Variants in CRACD observed in about 807,000 individuals in gnomAD.
CRACD encodes the protein capping protein-inhibiting regulator of actin dynamics.
CRACD carries 56 observed loss-of-function variants against 106.8 expected under a neutral mutation model. The observed-to-expected ratio is 0.52, with a 90% CI of 0.42 to 0.66. CRACD has a LOEUF of 0.66. Among genes scored for constraint, CRACD ranks in the 30% least tolerant of loss-of-function variants. The probability of loss-of-function intolerance (pLI) is 0.00; values close to 1 mark genes in which losing one functional copy is unlikely to be tolerated. For synonymous variants in CRACD, 754 were observed against 670.8 expected, an observed-to-expected ratio of 1.12 and a Z score of -1.92; for missense variants, 1,730 against 1,623.2, an observed-to-expected ratio of 1.07 and a Z score of -1.13.
Position 56,301,741 on chromosome 4 carries a change from CAGA to C in CRACD, c.120+3397_120+3399del, listed in dbSNP as rs372855481. Among the ~76,000 whole-genome samples, 38 of 151,842 alleles carry C rather than the reference CAGA, an allele frequency of 2.5e-4. No individual in the cohort carries two copies. The East Asian group carries it at 6.0e-3, about 24-fold the overall frequency. On this transcript the variant is annotated intron_variant, in intron 4 of 10. Coordinates refer to ENST00000682029, the MANE Select transcript of CRACD (RefSeq NM_001393381.1). The stretch of plus-strand genomic sequence containing the variant: ...CAGGTTGGTATCTCTCCACGGAGTA[CAGA>C]AGAACTCAATACAGCAAAAACCAGC...
At chr4:56,221,791 C>G (rs567390728) in intron 2 of CRACD, among the ~76,000 whole-genome samples, 1 of 152,262 alleles carries the variant, frequency 6.6e-6, no homozygotes, top group African/African-American at 2.4e-5. Flanking sequence ...AAAAGGCCCA[C>G]TATTACTAAT....
At chr4:56,243,909 C>T (rs1740514848) in intron 2 of CRACD, among the ~76,000 whole-genome samples, 1 of 152,106 alleles carries the variant, frequency 6.6e-6, no homozygotes, top group African/African-American at 2.4e-5. Context: ...AACCATCCCC[C>T]TCTCCCTCAA....
At chr4:56,074,294 G>A (rs963006319) in intron 1 of CRACD, among the ~76,000 whole-genome samples, 7 of 152,102 alleles carry the variant, frequency 4.6e-5, no homozygotes, top group Non-Finnish European at 8.8e-5. Flanking sequence ...CCATTTTCAC[G>A]ATATTGATTC....
intron 5 of CRACD, among the ~76,000 whole-genome samples, chr4:56,309,614 G>T (rs1391879024): frequency 6.6e-6 from 1 of 152,176 alleles, no homozygotes; most frequent in African/African-American, 2.4e-5. Flanking sequence ...AGCACTTTGG[G>T]AGGCCGAGGT....
intron 2 of CRACD, among the ~76,000 whole-genome samples, chr4:56,202,304 G>A (rs1737919046): frequency 6.6e-6 from 1 of 152,106 alleles, no homozygotes; most frequent in Non-Finnish European, 1.5e-5. Context: ...GGAGTACAGT[G>A]GCGTGATCTT....
At chr4:56,062,296 A>G (rs1005557831) in intron 1 of CRACD, among the ~76,000 whole-genome samples, 14 of 152,222 alleles carry the variant, frequency 9.2e-5, no homozygotes, top group Non-Finnish European at 1.5e-4. Context: ...TCTTATAATC[A>G]TAACAGTGTC....
At chr4:56,257,980 G>A (rs902310987) in intron 2 of CRACD, among the ~76,000 whole-genome samples, 3 of 151,012 alleles carry the variant, frequency 2.0e-5, no homozygotes, top group African/African-American at 7.3e-5. Flanking sequence ...TGAGGCATGA[G>A]AATCGCTTGA....
At chr4:56,216,454 C>T (rs998774786) in intron 2 of CRACD, among the ~76,000 whole-genome samples, 1 of 152,104 alleles carries the variant, frequency 6.6e-6, no homozygotes, top group African/African-American at 2.4e-5. Flanking sequence ...ATTGAAGATA[C>T]AGCTGTTCCA....
At chr4:56,140,683 C>T (rs528055956) in intron 1 of CRACD, among the ~76,000 whole-genome samples, 102 of 152,286 alleles carry the variant, frequency 6.7e-4, no homozygotes, top group African/African-American at 2.0e-3. Flanking sequence ...TCCTGAACAG[C>T]GTTGTCAGCA....
intron 1 of CRACD, among the ~76,000 whole-genome samples, chr4:56,136,444 T>C (rs1735002694): frequency 6.6e-6 from 1 of 152,220 alleles, no homozygotes; most frequent in Non-Finnish European, 1.5e-5. Context: ...CTTTTAAATT[T>C]GAGCCCTTCT....
intron 2 of CRACD, among the ~76,000 whole-genome samples, chr4:56,180,173 T>G (rs116758448): frequency 0.013 from 1,972 of 152,066 alleles, 48 homozygotes; most frequent in African/African-American, 0.045. Context: ...TGGGAGGCAT[T>G]CCTCATCTGC....
intron 2 of CRACD, among the ~76,000 whole-genome samples, chr4:56,232,425 T>C (rs1218820339): frequency 6.6e-6 from 1 of 152,178 alleles, no homozygotes; most frequent in Admixed American, 6.5e-5. Context: ...TTGTTTCCTA[T>C]GTGGAGCTTC....
intron 2 of CRACD, among the ~76,000 whole-genome samples, chr4:56,240,319 G>C (rs1226265058): frequency 6.6e-6 from 1 of 152,076 alleles, no homozygotes; most frequent in African/African-American, 2.4e-5. Context: ...ACACAGACTG[G>C]GGAGGGGGAG....
At chr4:56,265,067 C>T (rs527451826) in intron 2 of CRACD, among the ~76,000 whole-genome samples, 1 of 152,178 alleles carries the variant, frequency 6.6e-6, no homozygotes, top group Admixed American at 6.5e-5. Context: ...GGGAGCACAG[C>T]CTATCTGACA....
chr4:56,061,006 A>G (rs1174909302), intron 1 of CRACD, among the ~76,000 whole-genome samples: 1 of 152,220 alleles, frequency 6.6e-6, no homozygotes, highest in Non-Finnish European at 1.5e-5. Context: ...ACTTTGTTAC[A>G]GCAGCCCGTA....
chr4:56,125,553 A>G (rs904328629), intron 1 of CRACD, among the ~76,000 whole-genome samples: 2 of 151,776 alleles, frequency 1.3e-5, no homozygotes, highest in Non-Finnish European at 2.9e-5. Flanking sequence ...TGAGTAGCTA[A>G]GACTACAGGC....
intron 1 of CRACD, among the ~76,000 whole-genome samples, chr4:56,104,882 G>A (rs566338780): frequency 1.9e-4 from 29 of 151,566 alleles, no homozygotes; most frequent in African/African-American, 6.5e-4. Context: ...CAGGAGAATG[G>A]CGTGAACCTG....
At chr4:56,317,741 C>T (rs1249973840) in intron 8 of CRACD, among the ~76,000 whole-genome samples, 4 of 151,452 alleles carry the variant, frequency 2.6e-5, no homozygotes, top group Admixed American at 2.6e-4. Flanking sequence ...GCTTGGGTCC[C>T]TCCATCCCCC....
chr4:56,202,276 C>T (rs906919760), intron 2 of CRACD, among the ~76,000 whole-genome samples: 13 of 152,086 alleles, frequency 8.5e-5, no homozygotes, highest in African/African-American at 1.4e-4. Flanking sequence ...GACGGAGTCT[C>T]GCTCTGTCAC....
Sources: gnomAD v4.1 joint callset for allele counts (sites outside exome capture counted in the v4.1 genomes callset) on GRCh38, gnomAD v4.1.1 for gene constraint, MANE v1.5 for transcripts, NCBI Gene and HGNC (gene_info 2026-07-23, HGNC 2026-07-21) for gene names.